The following ALG6 variants were observed in gnomAD, a reference collection of about 807,000 sequenced individuals.
ALG6 encodes ALG6 alpha-1,3-glucosyltransferase.
A neutral mutation model predicts 66.6 loss-of-function variants in ALG6; 46 were observed. That is an observed-to-expected ratio of 0.69 (90% CI 0.55 to 0.88). ALG6 has a LOEUF of 0.88. Ranked by LOEUF, ALG6 falls within the 40% of genes least tolerant of loss-of-function variation. The pLI, the probability that ALG6 is intolerant of heterozygous loss-of-function variation, is 0.00. For synonymous variants in ALG6, 185 were observed against 203.7 expected, an observed-to-expected ratio of 0.91 and a Z score of 0.78; for missense variants, 505 against 586.8, an observed-to-expected ratio of 0.86 and a Z score of 1.44.
chr1:63,430,383 G>A (rs976999578), intron 14 of ALG6, among the ~76,000 whole-genome samples: 4 of 152,142 alleles, frequency 2.6e-5, no homozygotes, highest in African/African-American at 9.7e-5. Flanking sequence ...GGTATTGAGT[G>A]CACATATGTT....
Position 63,400,323 on chromosome 1 carries a change from A to ATATATATG in ALG6, c.168-1924_168-1923insGTATATAT, listed in dbSNP as rs1557587829. On this transcript the variant is annotated intron_variant, in intron 3 of 14. Transcript: ENST00000263440. ...TATATATATGTATATATATATACGTATATATATATATACGTATATATATAT... is the reference window on the plus strand; with the variant it reads ...TATATATATGTATATATATATACGTATATATATGTATATATATATACGTATATATATAT... Among the ~76,000 whole-genome samples, 2 of 33,614 alleles carry ATATATATG rather than the reference A, an allele frequency of 5.9e-5. 1 individual carries two copies. The highest frequency in any genetic ancestry group is 8.9e-5 in the Non-Finnish European group (2 of 22,540). The allele number at this position is 33,614 out of a possible 152,430, so 22.1% of individuals were successfully genotyped here.
intron 2 of ALG6, among the ~76,000 whole-genome samples, chr1:63,383,467 G>A (rs1648401687): frequency 6.6e-6 from 1 of 152,002 alleles, no homozygotes; most frequent in Non-Finnish European, 1.5e-5. Flanking sequence ...CCAGGCTGGA[G>A]TACAGTGGTG....
chr1:63,387,518 T>C (rs1056865230), intron 2 of ALG6, among the ~76,000 whole-genome samples: 3 of 147,160 alleles, frequency 2.0e-5, no homozygotes, highest in Non-Finnish European at 3.0e-5. Context: ...TATAATGACC[T>C]TCTTTGTCTT....
chr1:63,382,643 TTTTTTTTGTTTG>T (rs1294736687), intron 2 of ALG6, among the ~76,000 whole-genome samples: 15 of 50,258 alleles, frequency 3.0e-4, no homozygotes, highest in Admixed American at 1.8e-3. Context: ...CTGGCTAAGT[TTTTTTTTGTTTG>T]TTTTTTTTTG....
chr1:63,403,120 A>G (rs1644473677), intron 4 of ALG6, among the ~76,000 whole-genome samples: 2 of 135,924 alleles, frequency 1.5e-5, no homozygotes, highest in East Asian at 2.2e-4. Flanking sequence ...AAAAAAAAAA[A>G]GAACTATCAA....
chr1:63,396,744 G>A, intron 3 of ALG6, 147 bp downstream of exon 3: 1 of 739,044 alleles, frequency 1.4e-6, no homozygotes. Flanking sequence ...CTTGCATTTT[G>A]TAGGCCTGTC....
At chr1:63,386,848 G>A (rs1648518940) in intron 2 of ALG6, among the ~76,000 whole-genome samples, 1 of 151,922 alleles carries the variant, frequency 6.6e-6, no homozygotes, top group Admixed American at 6.6e-5. Context: ...TTTTGCTGTA[G>A]CTTTTCTAGT....
chr1:63,427,940 G>A (rs953000431), intron 12 of ALG6, among the ~76,000 whole-genome samples: 2 of 151,854 alleles, frequency 1.3e-5, no homozygotes, highest in African/African-American at 4.8e-5. Context: ...CCAAGTAGCT[G>A]GGATTACAGG....
chr1:63,390,685 G>A (rs1036453428), intron 2 of ALG6, among the ~76,000 whole-genome samples: 4 of 152,170 alleles, frequency 2.6e-5, no homozygotes, highest in African/African-American at 9.7e-5. Context: ...CTGCTGGGAT[G>A]GACCATTCCC....
intron 12 of ALG6, among the ~76,000 whole-genome samples, chr1:63,427,810 T>G (rs1445242255): frequency 7.0e-6 from 1 of 143,258 alleles, no homozygotes; most frequent in Non-Finnish European, 1.5e-5. Context: ...TTTTTTTTTT[T>G]GGAGATGGAG....
intron 9 of ALG6, 40 bp downstream of exon 9, chr1:63,412,101 C>A: frequency 6.2e-7 from 1 of 1,613,356 alleles, no homozygotes; most frequent in South Asian, 1.1e-5. Flanking sequence ...GTTACTGTAC[C>A]TTACCTGTGA....
rs1644577519 is a variant in ALG6, at chr1:63,422,101, AAATATAAAT to A, written c.1058+2663_1058+2671del. Among the ~76,000 whole-genome samples the A allele has an allele frequency of 6.1e-5, 6 of 98,794 alleles. No individual in the cohort carries two copies. The South Asian group carries it at 1.7e-3, about 28-fold the overall frequency. 64.8% of individuals were successfully genotyped at this position (98,794 alleles called of 152,430 possible). A position where few individuals can be genotyped will look rare whatever the true frequency, so the allele number is the denominator to read the frequency against. ...TATATAAATAAATATATAAATATATAAATATAAATATATATAAATATATAAATAAATATA... is the reference window on the plus strand; with the variant it reads ...TATATAAATAAATATATAAATATATAATATATAAATATATAAATAAATATA... On this transcript the variant is annotated intron_variant, in intron 12 of 14. Transcript: ENST00000263440.
At chr1:63,379,432 A>G (rs1648232166) in intron 2 of ALG6, among the ~76,000 whole-genome samples, 1 of 152,158 alleles carries the variant, frequency 6.6e-6, no homozygotes, top group Non-Finnish European at 1.5e-5. Context: ...GGCCGAGATG[A>G]GTACTATCTT....
chr1:63,386,141 ATTC>A (rs1315293623), intron 2 of ALG6, among the ~76,000 whole-genome samples: 1 of 152,218 alleles, frequency 6.6e-6, no homozygotes, highest in African/African-American at 2.4e-5. Flanking sequence ...ATGTTGAGCC[ATTC>A]TTGCATCCGT....
chr1:63,427,041 A>G (rs1213624410), intron 12 of ALG6, among the ~76,000 whole-genome samples: 1 of 151,736 alleles, frequency 6.6e-6, no homozygotes, highest in African/African-American at 2.4e-5. Flanking sequence ...TTGCTCTGTC[A>G]CCAGGCTGGA....
Position 63,370,922 on chromosome 1 carries a change from A to G in ALG6, c.-56A>G. Reference sequence around the variant, plus strand: ...GAAAAGAAGTGATTGACCACGTTTTAAAAGTACTCTGGCACTGGTGCTGTG... The same window carrying G: ...GAAAAGAAGTGATTGACCACGTTTTGAAAGTACTCTGGCACTGGTGCTGTG... On this transcript the variant is annotated 5_prime_UTR_variant, in exon 2 of 15. Transcript: ENST00000263440. 9.5e-7 allele frequency: 1 copy of G among 1,054,096 alleles called. No individual in the cohort carries two copies. The highest frequency in any genetic ancestry group is 1.7e-5 in the Admixed American group (1 of 59,270). 65.3% of individuals were successfully genotyped at this position (1,054,096 alleles called of 1,614,324 possible).
intron 3 of ALG6, among the ~76,000 whole-genome samples, chr1:63,400,242 T>TACACAC (rs1553155086): frequency 3.9e-4 from 4 of 10,180 alleles, no homozygotes; most frequent in East Asian, 4.1e-3. Context: ...TATATATATA[T>TACACAC]ACGTATATAT....
intron 8 of ALG6, 69 bp downstream of exon 8, chr1:63,411,400 A>G (rs72916653): frequency 7.1e-7 from 1 of 1,414,386 alleles, no homozygotes. Flanking sequence ...ACTTACTTGC[A>G]GTAAGATGAT....
intron 14 of ALG6, among the ~76,000 whole-genome samples, chr1:63,432,471 G>A (rs1026936601): frequency 1.6e-4 from 25 of 152,142 alleles, no homozygotes; most frequent in Non-Finnish European, 1.2e-4. Context: ...TGACGTCTTT[G>A]TCTACTCATA....
Sources: allele counts gnomAD v4.1 joint callset (sites outside exome capture counted in the v4.1 genomes callset), GRCh38; gene constraint gnomAD v4.1.1; transcripts MANE v1.5; gene names NCBI Gene and HGNC (gene_info 2026-07-23, HGNC 2026-07-21).